The following CLCN5 variants were observed in gnomAD, a reference collection of about 807,000 sequenced individuals.
CLCN5 encodes H(+)/Cl(-) exchange transporter 5.
Under a neutral mutation model 54.0 loss-of-function variants are expected in CLCN5, and 17 were observed. That is an observed-to-expected ratio of 0.31 (90% CI 0.22 to 0.47). The LOEUF (loss-of-function observed/expected upper bound fraction) is 0.47. CLCN5 is among the 20% of genes least tolerant of loss of function. The pLI, the probability that CLCN5 is intolerant of heterozygous loss-of-function variation, is 1.00. For missense variants in CLCN5, 448 were observed against 646.7 expected (o/e 0.69, Z 3.33); for synonymous variants, 222 against 233.0 (o/e 0.95, Z 0.43).
chrX:50,064,191 G>A (rs373678580), intron 4 of CLCN5, among the ~76,000 whole-genome samples: 26 of 110,843 alleles, frequency 2.3e-4, no homozygotes, highest in African/African-American at 6.6e-4. Flanking sequence ...GATAAAGGGT[G>A]TTCAATTAGG....
chrX:49,969,990 T>C lies in CLCN5; in HGVS notation c.16+44676T>C, dbSNP rs782641059. 2.7e-5 allele frequency among the ~76,000 whole-genome samples: 3 copies of C among 111,465 alleles called. No homozygotes were observed. The South Asian group carries it at 1.1e-3, about 42-fold the overall frequency. ...TTTTGATGAATTGCTCCTTCTAATA[T>C]CATGACATGACCTTTTTTATTCATG... On this transcript the variant is annotated intron_variant, in intron 3 of 14. Coordinates refer to ENST00000376091, the MANE Select transcript of CLCN5 (RefSeq NM_001127898.4).
Position 50,089,022 on chromosome X carries a change from A to G in CLCN5, c.1744+138A>G. ...GGTTTGCCATTTTCCAAGCACATTA[A>G]GAAAGCATCTGGTATACAGATGAGG... On this transcript the variant is annotated intron_variant, in intron 12 of 14. Transcript: ENST00000376091. 7.2e-6 allele frequency: 4 copies of G among 558,291 alleles called. No homozygotes were observed. The South Asian group carries it at 9.9e-5, about 14-fold the overall frequency. The allele number at this position is 558,291 out of a possible 1,213,427, so 46.0% of individuals were successfully genotyped here.
chrX:50,088,955 G>A (rs990113023), intron 12 of CLCN5, 71 bp downstream of exon 12: 38 of 990,960 alleles, frequency 3.8e-5, no homozygotes, highest in Admixed American at 2.5e-4. Flanking sequence ...ATTAAACACA[G>A]TTGACTGTAG....
chrX:50,011,186 A>T (rs1347592366), intron 3 of CLCN5, among the ~76,000 whole-genome samples: 2 of 111,379 alleles, frequency 1.8e-5, no homozygotes, highest in Non-Finnish European at 3.8e-5. Context: ...CCTTTTCAAG[A>T]ATTCCAAGGG....
chrX:49,959,630 TCAA>T (rs1927501276), intron 3 of CLCN5, among the ~76,000 whole-genome samples: 1 of 112,401 alleles, frequency 8.9e-6, no homozygotes, highest in African/African-American at 3.2e-5. Flanking sequence ...AGAATGTTGT[TCAA>T]CAACTTTCCT....
chrX:50,085,239 G>T (rs781795764), intron 9 of CLCN5, among the ~76,000 whole-genome samples: 1 of 112,144 alleles, frequency 8.9e-6, no homozygotes, highest in East Asian at 2.8e-4. Flanking sequence ...ATTTTGGTTT[G>T]TTTGCCATTA....
intron 3 of CLCN5, among the ~76,000 whole-genome samples, chrX:50,007,408 TCTCTC>T (rs1930227271): frequency 3.6e-4 from 35 of 96,063 alleles, no homozygotes; most frequent in Non-Finnish European, 4.4e-4. Flanking sequence ...TCTCTCTCTC[TCTCTC>T]TCTCTCTCTC....
intron 3 of CLCN5, 44 bp from the exon 4 acceptor site, chrX:50,042,272 T>G: frequency 4.0e-6 from 3 of 748,205 alleles, no homozygotes; most frequent in Non-Finnish European, 5.7e-6. Context: ...TGTAAGGGAC[T>G]TGAAGATCAT....
chrX:49,931,281 G>A (rs1470015641), intron 3 of CLCN5, among the ~76,000 whole-genome samples: 1 of 111,104 alleles, frequency 9.0e-6, no homozygotes, highest in Non-Finnish European at 1.9e-5. Context: ...TTAATAGTAT[G>A]ATCCCATTTT....
intron 3 of CLCN5, among the ~76,000 whole-genome samples, chrX:49,996,651 A>C (rs1263888562): frequency 8.9e-6 from 1 of 112,522 alleles, no homozygotes; most frequent in Non-Finnish European, 1.9e-5. Flanking sequence ...AACTCCATGC[A>C]AACATGAGTC....
intron 3 of CLCN5, among the ~76,000 whole-genome samples, chrX:49,988,202 G>A (rs906986162): frequency 5.4e-5 from 6 of 110,911 alleles, no homozygotes; most frequent in East Asian, 5.7e-4. Flanking sequence ...GAAAGTTAGC[G>A]TATCTAAGCT....
chrX:49,924,707 T>C (rs782372116), intron 2 of CLCN5, among the ~76,000 whole-genome samples: 2 of 112,136 alleles, frequency 1.8e-5, no homozygotes, highest in Non-Finnish European at 3.8e-5. Context: ...CACTCTTCAC[T>C]TTTTATTCCG....
At chrX:49,935,029 TC>T (rs1925866220) in intron 3 of CLCN5, among the ~76,000 whole-genome samples, 1 of 111,826 alleles carries the variant, frequency 8.9e-6, no homozygotes, top group African/African-American at 3.3e-5. Context: ...GCAAGAGAGT[TC>T]CTGCCATCCA....
At chrX:50,017,898 T>G (rs1450304276) in intron 3 of CLCN5, among the ~76,000 whole-genome samples, 1 of 111,802 alleles carries the variant, frequency 8.9e-6, no homozygotes, top group South Asian at 3.7e-4. Context: ...GCCTTGAAGT[T>G]GGATAGTGTC....
intron 2 of CLCN5, among the ~76,000 whole-genome samples, chrX:49,924,164 G>GTTTTTTTTTTTTTTTTT (rs1925217923): frequency 1.1e-4 from 9 of 81,490 alleles, no homozygotes; most frequent in African/African-American, 5.0e-4. Context: ...TTTTTTTTTG[G>GTTTTTTTTTTTTTTTTT]TTTGAGCCGG....
At chrX:50,042,525 A>T (rs1451535476) in intron 4 of CLCN5, 63 bp downstream of exon 4, 5 of 785,054 alleles carry the variant, frequency 6.4e-6, no homozygotes, top group Non-Finnish European at 8.4e-6. Context: ...ATAAAATTTT[A>T]TTTTTTTTTA....
intron 3 of CLCN5, among the ~76,000 whole-genome samples, chrX:50,033,620 TC>T (rs781805948): frequency 2.1e-4 from 23 of 110,972 alleles, no homozygotes; most frequent in Non-Finnish European, 3.6e-4. Flanking sequence ...TTCAATGCCA[TC>T]CCCATCAAGC....
chrX:50,013,586 G>A (rs888761882), intron 3 of CLCN5, among the ~76,000 whole-genome samples: 2 of 112,080 alleles, frequency 1.8e-5, no homozygotes, highest in African/African-American at 6.5e-5. Context: ...ACACACACAT[G>A]TGTAAGTGTA....
At position 50,079,641 on chromosome X, in the gene CLCN5, A is replaced by G. The variant is rs906313791; in HGVS notation, c.604-953A>G. The stretch of plus-strand genomic sequence containing the variant: ...TCCATTTTATTTATTTATATCTGGT[A>G]CCACCAGGGTCCAAAACTTTCTACT... On this transcript the variant is annotated intron_variant, in intron 7 of 14. Coordinates refer to ENST00000376091, the MANE Select transcript of CLCN5 (RefSeq NM_001127898.4). Among the ~76,000 whole-genome samples, 3 of 111,701 alleles carry G rather than the reference A, an allele frequency of 2.7e-5. No individual in the cohort carries two copies. The East Asian group carries it at 8.3e-4, about 31-fold the overall frequency.
Sources: allele counts gnomAD v4.1 joint callset (sites outside exome capture counted in the v4.1 genomes callset), GRCh38; gene constraint gnomAD v4.1.1; transcripts MANE v1.5; gene names NCBI Gene and HGNC (gene_info 2026-07-23, HGNC 2026-07-21).